SHISA6: variants seen among roughly 807,000 people sequenced by gnomAD.
SHISA6 encodes the protein shisa family member 6.
Under a neutral mutation model 47.9 loss-of-function variants are expected in SHISA6, and 22 were observed. The ratio of observed to expected loss-of-function variants is 0.46; its 90% confidence interval spans 0.33 to 0.66. SHISA6 has a LOEUF of 0.66. Ranked by LOEUF, SHISA6 falls within the 30% of genes least tolerant of loss-of-function variation. The pLI is 0.02. For missense variants in SHISA6, 680 were observed against 764.6 expected (o/e 0.89, Z 1.30); for synonymous variants, 388 against 337.8 (o/e 1.15, Z -1.63).
chr17:11,323,011 T>C (rs929491670), intron 2 of SHISA6, among the ~76,000 whole-genome samples: 4 of 152,168 alleles, frequency 2.6e-5, no homozygotes, highest in Admixed American at 6.5e-5. Flanking sequence ...CACTCTGACA[T>C]TGGTGTTCTT....
intron 2 of SHISA6, among the ~76,000 whole-genome samples, chr17:11,315,742 C>T (rs1354640161): frequency 3.3e-5 from 5 of 152,084 alleles, no homozygotes; most frequent in Non-Finnish European, 7.4e-5. Flanking sequence ...TCACCTTGGC[C>T]TTGATGCTTT....
intron 2 of SHISA6, among the ~76,000 whole-genome samples, chr17:11,322,005 A>G (rs542444025): frequency 6.6e-6 from 1 of 152,332 alleles, no homozygotes; most frequent in African/African-American, 2.4e-5. Flanking sequence ...TTTTAAAGTA[A>G]TTTAAAACTT....
chr17:11,443,205 G>A (rs770848916), intron 3 of SHISA6, among the ~76,000 whole-genome samples: 11 of 151,958 alleles, frequency 7.2e-5, no homozygotes, highest in South Asian at 2.1e-4. Context: ...TTTTTTTCTC[G>A]CAGCTGCCTG....
At position 11,404,263 on chromosome 17, in the gene SHISA6, T is replaced by C. The variant is rs11869307; in HGVS notation, c.895+24754T>C. On this transcript the variant is annotated intron_variant, in intron 3 of 5. Transcript: ENST00000441885. ...TTCAATCTGTGACTTGATCCTGTGC[T>C]AGGCACTGAGAGAGTCTATTGGCAA... Among the ~76,000 whole-genome samples, 422 of 152,310 alleles carry C rather than the reference T, an allele frequency of 2.8e-3. 3 individuals are homozygous for C. The highest frequency in any genetic ancestry group is 9.7e-3 in the African/African-American group (401 of 41,554).
intron 2 of SHISA6, among the ~76,000 whole-genome samples, chr17:11,280,040 C>T (rs1909068012): frequency 6.6e-6 from 1 of 152,110 alleles, no homozygotes; most frequent in Non-Finnish European, 1.5e-5. Context: ...CGTTCTGAGC[C>T]TTGTCTTTTT....
intron 2 of SHISA6, among the ~76,000 whole-genome samples, chr17:11,324,818 G>A (rs145869127): frequency 1.1e-4 from 16 of 152,168 alleles, no homozygotes; most frequent in African/African-American, 3.6e-4. Flanking sequence ...TCTTCTTAGT[G>A]CACAATTAGG....
chr17:11,274,707 C>T (rs114970132), intron 2 of SHISA6, among the ~76,000 whole-genome samples: 1,642 of 152,306 alleles, frequency 0.011, 30 homozygotes, highest in African/African-American at 0.037. Flanking sequence ...TTAGGGCCTA[C>T]AGGAGCTGAA....
intron 3 of SHISA6, among the ~76,000 whole-genome samples, chr17:11,411,080 T>C (rs1181006597): frequency 6.6e-6 from 1 of 152,024 alleles, no homozygotes; most frequent in African/African-American, 2.4e-5. Context: ...GCCATTCTCC[T>C]GCCTCAGCCT....
At chr17:11,365,824 C>T (rs1210622421) in intron 2 of SHISA6, among the ~76,000 whole-genome samples, 1 of 152,098 alleles carries the variant, frequency 6.6e-6, no homozygotes, top group Non-Finnish European at 1.5e-5. Context: ...GATACATGCC[C>T]TTGATGAAAA....
chr17:11,439,846 C>T (rs977233123), intron 3 of SHISA6, among the ~76,000 whole-genome samples: 4 of 152,164 alleles, frequency 2.6e-5, no homozygotes, highest in African/African-American at 9.7e-5. Context: ...GAGAGTTTTA[C>T]GGTCTTGATG....
In SHISA6 at chr17:11,432,370, A is replaced by G. The variant is rs145136829; in HGVS notation, c.895+52861A>G. On this transcript the variant is annotated intron_variant, in intron 3 of 5. Coordinates refer to ENST00000441885, the MANE Select transcript of SHISA6 (RefSeq NM_207386.4). ...TATCTGTAAGTTCTGCTTTGCTGCC[A>G]TGATGTTTACACTCAGCCTACTTCA... 3.5e-3 allele frequency among the ~76,000 whole-genome samples: 528 copies of G among 152,328 alleles called. 7 individuals are homozygous for G. Among genetic ancestry groups the G allele is most frequent in the African/African-American group, 0.012 (507 of 41,588 alleles).
At chr17:11,547,015 T>C (rs1394084165) in intron 3 of SHISA6, among the ~76,000 whole-genome samples, 1 of 152,136 alleles carries the variant, frequency 6.6e-6, no homozygotes, top group Admixed American at 6.5e-5. Context: ...GATAGCGTCA[T>C]GTGCTTTTTG....
At chr17:11,365,687 A>G (rs1912427315) in intron 2 of SHISA6, among the ~76,000 whole-genome samples, 1 of 152,252 alleles carries the variant, frequency 6.6e-6, no homozygotes, top group African/African-American at 2.4e-5. Flanking sequence ...ATTGGCAACT[A>G]TCAACAGATA....
At chr17:11,378,002 T>C (rs1912867192) in intron 2 of SHISA6, among the ~76,000 whole-genome samples, 1 of 152,226 alleles carries the variant, frequency 6.6e-6, no homozygotes, top group African/African-American at 2.4e-5. Flanking sequence ...ACCCGTCGTC[T>C]AGGTTTTAAG....
intron 2 of SHISA6, among the ~76,000 whole-genome samples, chr17:11,332,249 A>C (rs906250557): frequency 6.6e-6 from 1 of 151,546 alleles, no homozygotes. Context: ...TGGGGAAAAA[A>C]AAAAAATGGA....
chr17:11,281,358 G>A (rs541303172), intron 2 of SHISA6, among the ~76,000 whole-genome samples: 1 of 152,244 alleles, frequency 6.6e-6, no homozygotes, highest in Admixed American at 6.5e-5. Flanking sequence ...GTTTTTATGA[G>A]GAGTGGATAT....
chr17:11,375,956 G>T (rs1273218051), intron 2 of SHISA6, among the ~76,000 whole-genome samples: 1 of 152,174 alleles, frequency 6.6e-6, no homozygotes, highest in Non-Finnish European at 1.5e-5. Context: ...AACCATCCTG[G>T]TCCCTGGCTG....
At chr17:11,373,137 T>C (rs1319079651) in intron 2 of SHISA6, among the ~76,000 whole-genome samples, 1 of 151,990 alleles carries the variant, frequency 6.6e-6, no homozygotes, top group Non-Finnish European at 1.5e-5. Flanking sequence ...TACATTCATG[T>C]TTTTAGAAAT....
chr17:11,503,650 C>T (rs2071473932), intron 3 of SHISA6, among the ~76,000 whole-genome samples: 1 of 152,194 alleles, frequency 6.6e-6, no homozygotes, highest in African/African-American at 2.4e-5. Context: ...TGGAGGTTCC[C>T]TAGACCTTTT....
Sources: gnomAD v4.1 joint callset for allele counts (sites outside exome capture counted in the v4.1 genomes callset) on GRCh38, gnomAD v4.1.1 for gene constraint, MANE v1.5 for transcripts, NCBI Gene and HGNC (gene_info 2026-07-23, HGNC 2026-07-21) for gene names.